GRM5: variants seen among roughly 807,000 people sequenced by gnomAD.
GRM5 encodes the protein metabotropic glutamate receptor 5.
GRM5 carries 19 observed loss-of-function variants against 83.1 expected under a neutral mutation model. That is an observed-to-expected ratio of 0.23 (90% CI 0.16 to 0.34). The LOEUF (loss-of-function observed/expected upper bound fraction) is 0.34, where lower values mean the gene tolerates loss of function less well. Ranked by LOEUF, GRM5 falls within the 10% of genes least tolerant of loss-of-function variation. The pLI is 1.00. For synonymous variants in GRM5, 675 were observed against 633.6 expected, an observed-to-expected ratio of 1.07 and a Z score of -0.98; for missense variants, 1,160 against 1,588.3, an observed-to-expected ratio of 0.73 and a Z score of 4.58.
chr11:88,604,479 T>G (rs185964988), intron 5 of GRM5, among the ~76,000 whole-genome samples: 305 of 152,338 alleles, frequency 2.0e-3, no homozygotes, highest in African/African-American at 7.0e-3. Flanking sequence ...CCTCTTAGTT[T>G]AGGTCTCTGA....
chr11:88,578,916 T>C (rs1000247312), intron 7 of GRM5, among the ~76,000 whole-genome samples: 1 of 151,856 alleles, frequency 6.6e-6, no homozygotes, highest in Non-Finnish European at 1.5e-5. Flanking sequence ...TTAGAAAGAA[T>C]CCATTGATTC....
At chr11:88,844,578 A>C (rs1944266292) in intron 3 of GRM5, among the ~76,000 whole-genome samples, 1 of 152,214 alleles carries the variant, frequency 6.6e-6, no homozygotes. Flanking sequence ...TTATTTCTAA[A>C]ATACATTTCA....
intron 2 of GRM5, among the ~76,000 whole-genome samples, chr11:89,038,416 T>A (rs998569595): frequency 1.3e-5 from 2 of 152,138 alleles, no homozygotes; most frequent in African/African-American, 2.4e-5. Context: ...TAACAATATA[T>A]CCTCCAGCTC....
chr11:88,693,456 T>TGTC (rs1273229767), intron 3 of GRM5, among the ~76,000 whole-genome samples: 4 of 152,184 alleles, frequency 2.6e-5, no homozygotes, highest in African/African-American at 9.7e-5. Context: ...CCCTCATTCC[T>TGTC]GTCTGATTCT....
At chr11:88,804,704 A>T (rs1159725247) in intron 3 of GRM5, among the ~76,000 whole-genome samples, 1 of 152,094 alleles carries the variant, frequency 6.6e-6, no homozygotes, top group Non-Finnish European at 1.5e-5. Context: ...AAATAAAATA[A>T]AAAAACAAAA....
At chr11:88,826,029 T>A (rs1041210335) in intron 3 of GRM5, among the ~76,000 whole-genome samples, 3 of 152,172 alleles carry the variant, frequency 2.0e-5, no homozygotes, top group Admixed American at 2.0e-4. Context: ...ATGATGAATC[T>A]CACTCTAGGT....
intron 1 of GRM5, among the ~76,000 whole-genome samples, chr11:89,060,626 T>C (rs899368188): frequency 4.6e-5 from 7 of 152,110 alleles, no homozygotes; most frequent in African/African-American, 1.7e-4. Flanking sequence ...CACCAAGACT[T>C]TTGCCTGATG....
At chr11:88,784,823 T>A (rs780227708) in intron 3 of GRM5, among the ~76,000 whole-genome samples, 4 of 152,052 alleles carry the variant, frequency 2.6e-5, no homozygotes, top group Non-Finnish European at 4.4e-5. Flanking sequence ...GCTGCCCGTC[T>A]TTGGGAATGT....
intron 1 of GRM5, among the ~76,000 whole-genome samples, chr11:89,058,273 A>C (rs1461372102): frequency 6.6e-6 from 1 of 152,176 alleles, no homozygotes. Flanking sequence ...CCTGAGCACT[A>C]TTGACATTTT....
At chr11:89,022,319 A>G (rs1340082326) in intron 2 of GRM5, among the ~76,000 whole-genome samples, 1 of 152,016 alleles carries the variant, frequency 6.6e-6, no homozygotes, top group Non-Finnish European at 1.5e-5. Context: ...AATATGATCC[A>G]CCACAAGGTA....
At chr11:89,048,555 A>T (rs1256743754) in intron 1 of GRM5, among the ~76,000 whole-genome samples, 1 of 152,228 alleles carries the variant, frequency 6.6e-6, no homozygotes, top group Non-Finnish European at 1.5e-5. Context: ...ATGCAATTAC[A>T]AAAATAAAAT....
intron 2 of GRM5, among the ~76,000 whole-genome samples, chr11:88,993,955 C>T (rs938400085): frequency 2.0e-5 from 3 of 152,104 alleles, no homozygotes; most frequent in African/African-American, 7.2e-5. Flanking sequence ...TAGGCTCAAG[C>T]AACTCTCTCG....
chr11:88,931,306 G>A (rs1054447652), intron 2 of GRM5, among the ~76,000 whole-genome samples: 1 of 151,794 alleles, frequency 6.6e-6, no homozygotes, highest in African/African-American at 2.4e-5. Flanking sequence ...TTCTGATTAT[G>A]CTACATAATT....
At chr11:88,714,579 C>A (rs2169661) in intron 3 of GRM5, among the ~76,000 whole-genome samples, 1 of 151,706 alleles carries the variant, frequency 6.6e-6, no homozygotes, top group African/African-American at 2.4e-5. Flanking sequence ...ATAATCTCTT[C>A]TTTGAGATGT....
intron 5 of GRM5, among the ~76,000 whole-genome samples, chr11:88,601,313 G>C (rs1474631681): frequency 6.6e-6 from 1 of 152,030 alleles, no homozygotes; most frequent in Non-Finnish European, 1.5e-5. Flanking sequence ...TTCTAGCCTC[G>C]TATTTTCTAT....
At chr11:88,982,379 A>G (rs577283284) in intron 2 of GRM5, among the ~76,000 whole-genome samples, 1 of 152,180 alleles carries the variant, frequency 6.6e-6, no homozygotes, top group Non-Finnish European at 1.5e-5. Flanking sequence ...CTCAATTCTA[A>G]TAGGAAGTAA....
chr11:88,710,635 C>T (rs548029475), intron 3 of GRM5, among the ~76,000 whole-genome samples: 3 of 152,110 alleles, frequency 2.0e-5, no homozygotes, highest in Admixed American at 6.5e-5. Flanking sequence ...TTGAAGAAGG[C>T]AGTCTCTGGC....
chr11:88,755,526 A>G (rs1269715484), intron 3 of GRM5, among the ~76,000 whole-genome samples: 1 of 152,152 alleles, frequency 6.6e-6, no homozygotes, highest in Non-Finnish European at 1.5e-5. Flanking sequence ...TTTTCATTTT[A>G]TATTTACATT....
chr11:89,006,313 A>G (rs973907106), intron 2 of GRM5, among the ~76,000 whole-genome samples: 7 of 152,198 alleles, frequency 4.6e-5, no homozygotes, highest in Non-Finnish European at 1.0e-4. Flanking sequence ...CTTAAATGAG[A>G]TAAGTTATGC....
Sources: gnomAD v4.1 joint callset for allele counts (sites outside exome capture counted in the v4.1 genomes callset) on GRCh38, gnomAD v4.1.1 for gene constraint, MANE v1.5 for transcripts, NCBI Gene and HGNC (gene_info 2026-07-23, HGNC 2026-07-21) for gene names.